MTSS1: variants seen among roughly 807,000 people sequenced by gnomAD.
MTSS1 encodes the protein MTSS I-BAR domain containing 1.
Under a neutral mutation model 79.0 loss-of-function variants are expected in MTSS1, and 18 were observed. The observed-to-expected ratio is 0.23, with a 90% confidence interval of 0.16 to 0.34. The LOEUF (loss-of-function observed/expected upper bound fraction) is 0.34. Ranked by LOEUF, MTSS1 falls within the 10% of genes least tolerant of loss-of-function variation. The probability of loss-of-function intolerance (pLI) is 1.00; values close to 1 mark genes in which losing one functional copy is unlikely to be tolerated. For synonymous variants in MTSS1, 341 were observed against 368.6 expected (o/e 0.93, Z 0.86); for missense variants, 815 against 986.2 (o/e 0.83, Z 2.33).
In MTSS1 at chr8:124,558,021, C is replaced by T. The variant is rs554662920; in HGVS notation, c.1036-146G>A. On this transcript the variant is annotated intron_variant, in intron 10 of 13. Coordinates refer to ENST00000518547, the MANE Select transcript of MTSS1 (RefSeq NM_014751.6). The stretch of plus-strand genomic sequence containing the variant: ...ACAAACATTGGGGCTCTGCTGCTCA[C>T]GGATGATCTGTGATGCAAGAGAAAA... The T allele has an allele frequency of 1.7e-4, 111 of 651,560 alleles. No homozygotes were observed. In the East Asian group the frequency reaches 2.7e-3, roughly 16 times the overall value. 40.4% of individuals were successfully genotyped at this position (651,560 alleles called of 1,614,324 possible).
At chr8:124,660,811 G>A (rs1310096214) in intron 3 of MTSS1, among the ~76,000 whole-genome samples, 1 of 152,126 alleles carries the variant, frequency 6.6e-6, no homozygotes, top group African/African-American at 2.4e-5. Context: ...CTTCCTCCTG[G>A]GTGCCCTGTG....
At chr8:124,561,780 G>A (rs1825386596) in intron 10 of MTSS1, among the ~76,000 whole-genome samples, 1 of 152,118 alleles carries the variant, frequency 6.6e-6, no homozygotes, top group African/African-American at 2.4e-5. Context: ...GAAGCACACA[G>A]CGGGGAAGAG....
At position 124,712,551 on chromosome 8, in the gene MTSS1, C is replaced by A. The variant is rs576153585; in HGVS notation, c.73-8360G>T. The stretch of plus-strand genomic sequence containing the variant: ...AGCTTTGTCCCCAAAACCACCCTTC[C>A]CCACCCAATCCTGCAAGATGAAGGG... On this transcript the variant is annotated intron_variant, in intron 1 of 13. Coordinates refer to ENST00000518547, the MANE Select transcript of MTSS1 (RefSeq NM_014751.6). Among the ~76,000 whole-genome samples, 10 of 152,298 alleles carry A rather than the reference C, an allele frequency of 6.6e-5. No homozygotes were observed. In the South Asian group the frequency reaches 2.1e-3, roughly 32 times the overall value.
chr8:124,599,515 G>T (rs1477721739), intron 3 of MTSS1, among the ~76,000 whole-genome samples: 5 of 148,132 alleles, frequency 3.4e-5, no homozygotes, highest in African/African-American at 9.9e-5. Context: ...GAGAGAGAAA[G>T]AAAAAGAAAA....
chr8:124,692,058 C>G (rs1463167460), intron 3 of MTSS1, among the ~76,000 whole-genome samples: 1 of 144,788 alleles, frequency 6.9e-6, no homozygotes, highest in Non-Finnish European at 1.5e-5. Context: ...GAGACAGAGT[C>G]TCACTCCATT....
chr8:124,560,642 C>T lies in MTSS1; in HGVS notation c.1035+2140G>A, dbSNP rs551720538. Among the ~76,000 whole-genome samples the T allele has an allele frequency of 6.6e-5, 10 of 152,256 alleles. No homozygotes were observed. The East Asian group carries it at 1.9e-3, about 29-fold the overall frequency. ...CTTCATCCTGGGCAACAGAGTGAGA[C>T]CCTGTCTCAAAAAAAACGAACAAAA... On this transcript the variant is annotated intron_variant, in intron 10 of 13. Coordinates refer to ENST00000518547, the MANE Select transcript of MTSS1 (RefSeq NM_014751.6).
chr8:124,584,420 C>T (rs1164535848), intron 6 of MTSS1, among the ~76,000 whole-genome samples: 1 of 152,198 alleles, frequency 6.6e-6, no homozygotes, highest in Non-Finnish European at 1.5e-5. Context: ...AGTAAAATGT[C>T]ACAAGTGCTT....
intron 6 of MTSS1, among the ~76,000 whole-genome samples, chr8:124,571,613 C>T (rs1255272797): frequency 6.6e-6 from 1 of 152,010 alleles, no homozygotes; most frequent in Non-Finnish European, 1.5e-5. Flanking sequence ...GATTGAGACA[C>T]ATTGTGTTTG....
At chr8:124,701,848 A>C (rs1304700280) in intron 2 of MTSS1, among the ~76,000 whole-genome samples, 1 of 152,194 alleles carries the variant, frequency 6.6e-6, no homozygotes, top group Non-Finnish European at 1.5e-5. Context: ...AAATAAACTA[A>C]GGCTTCTATG....
intron 3 of MTSS1, among the ~76,000 whole-genome samples, chr8:124,624,945 C>A (rs1010098155): frequency 5.9e-5 from 9 of 152,232 alleles, no homozygotes; most frequent in African/African-American, 2.2e-4. Flanking sequence ...AAATGTTCTA[C>A]ATGACATGCC....
chr8:124,560,338 T>C (rs954670623), intron 10 of MTSS1, among the ~76,000 whole-genome samples: 2 of 151,974 alleles, frequency 1.3e-5, no homozygotes, highest in African/African-American at 4.8e-5. Flanking sequence ...CTGGGCAAGA[T>C]AGCAAGACCT....
chr8:124,727,934 C>T lies in MTSS1; in HGVS notation c.22G>A (p.Glu8Lys). The change falls in exon 1 of 14, where the codon GAA (glutamate) becomes AAA (lysine). Residue 8 changes from glutamate to lysine, a missense_variant. Around this residue, in one of 2 missense-constraint regions of MTSS1, gnomAD observed 225 missense variants for 365.4 expected, o/e 0.62. Coordinates refer to ENST00000518547, the MANE Select transcript of MTSS1 (RefSeq NM_014751.6). The surrounding 1 kb of genome is among the most constrained non-coding windows in gnomAD (Gnocchi z 4.7). MEAVIEKECSALGGLFQT... is the reference protein window; with the variant it reads MEAVIEKKCSALGGLFQT... ...AAGAGGCCTCCGAGCGCGCTGCATT[C>T]CTTCTCAATCACAGCCTCCATTTTC... The T allele has an allele frequency of 1.9e-6, 3 of 1,610,174 alleles. No individual in the cohort carries two copies. The highest frequency in any genetic ancestry group is 1.1e-5 in the South Asian group (1 of 90,562).
intron 6 of MTSS1, among the ~76,000 whole-genome samples, chr8:124,575,577 T>TTG (rs375839699): frequency 3.6e-4 from 43 of 118,482 alleles, no homozygotes; most frequent in African/African-American, 1.3e-3. Flanking sequence ...GTGGGTTTTT[T>TTG]GTTGTTGTTG....
At chr8:124,570,463 G>A (rs60490907) in intron 6 of MTSS1, among the ~76,000 whole-genome samples, 7,921 of 152,210 alleles carry the variant, frequency 0.052, 688 homozygotes, top group African/African-American at 0.18. Context: ...ACATTCGCAT[G>A]ACTTTTATTA....
chr8:124,588,103 G>A (rs1401311153), intron 5 of MTSS1, among the ~76,000 whole-genome samples: 2 of 152,214 alleles, frequency 1.3e-5, no homozygotes, highest in Non-Finnish European at 2.9e-5. Flanking sequence ...TGCATGATGA[G>A]GGGAGGGGTG....
intron 3 of MTSS1, among the ~76,000 whole-genome samples, chr8:124,605,059 TTCCGACAGGGA>T (rs2133109669): frequency 6.6e-6 from 1 of 152,240 alleles, no homozygotes; most frequent in East Asian, 1.9e-4. Context: ...AGCAAACACA[TTCCGACAGGGA>T]GGCTTCCCTG....
chr8:124,622,315 G>A (rs113490082), intron 3 of MTSS1, among the ~76,000 whole-genome samples: 58 of 151,982 alleles, frequency 3.8e-4, no homozygotes, highest in African/African-American at 1.3e-3. Flanking sequence ...GAGCAGGGGT[G>A]GGGGAGGTGA....
intron 8 of MTSS1, chr8:124,565,988 G>A: frequency 2.8e-6 from 1 of 352,132 alleles, no homozygotes; most frequent in South Asian, 5.8e-5. Context: ...GAGAAGGAAA[G>A]GAAGGGAAAA....
At chr8:124,648,715 C>CCG (rs1819422474) in intron 3 of MTSS1, among the ~76,000 whole-genome samples, 1 of 147,462 alleles carries the variant, frequency 6.8e-6, no homozygotes, top group African/African-American at 2.7e-5. Context: ...AGCAGCCCCC[C>CCG]CCCAGATACT....
Sources: allele counts gnomAD v4.1 joint callset (sites outside exome capture counted in the v4.1 genomes callset), GRCh38; gene constraint gnomAD v4.1.1; regional missense constraint gnomAD v4.1.1; non-coding constraint Gnocchi (gnomAD v3.1); transcripts MANE v1.5; gene names NCBI Gene and HGNC (gene_info 2026-07-23, HGNC 2026-07-21).